The following PLEKHG4B variants were observed in gnomAD, a reference collection of about 807,000 sequenced individuals.
PLEKHG4B encodes the protein pleckstrin homology and RhoGEF domain containing G4B.
A neutral mutation model predicts 121.3 loss-of-function variants in PLEKHG4B; 111 were observed. That is an observed-to-expected ratio of 0.92 (90% CI 0.78 to 1.07). The LOEUF (loss-of-function observed/expected upper bound fraction) is 1.07. PLEKHG4B is among the 50% of genes least tolerant of loss of function. PLEKHG4B has a pLI of 0.00. For synonymous variants in PLEKHG4B, 738 were observed against 725.0 expected (o/e 1.02, Z -0.29); for missense variants, 1,831 against 1,757.8 (o/e 1.04, Z -0.74).
intron 1 of PLEKHG4B, among the ~76,000 whole-genome samples, chr5:99,194 A>C (rs1579230097): frequency 7.4e-6 from 1 of 135,948 alleles, no homozygotes; most frequent in Admixed American, 7.2e-5. Flanking sequence ...ATATATATAT[A>C]TATATATATA....
Position 169,558 on chromosome 5 carries a change from G to A in PLEKHG4B, c.3695G>A (p.Cys1232Tyr). Residue 1232 changes from cysteine to tyrosine, a missense_variant, in exon 14 of 20, where the codon TGC (cysteine) becomes TAC (tyrosine). Cys to Tyr is a radical substitution (Grantham distance 194). Transcript: ENST00000637938. ...FLRELERCQH[C>Y]PLAVGRSFLR... ...CGGGAGCTGGAGCGCTGCCAGCACT[G>A]CCCCTTGGCCGTGGGCCGCAGTTTC... 6.2e-7 allele frequency: 1 copy of A among 1,613,742 alleles called. No individual in the cohort carries two copies. The highest frequency in any genetic ancestry group is 8.5e-7 in the Non-Finnish European group (1 of 1,180,046).
intron 1 of PLEKHG4B, among the ~76,000 whole-genome samples, chr5:107,630 TC>T (rs942096704): frequency 1.3e-5 from 2 of 152,224 alleles, no homozygotes; most frequent in African/African-American, 4.8e-5. Flanking sequence ...CACCTGCCCA[TC>T]CCCGCCCTGG....
In PLEKHG4B at chr5:182,169, C is replaced by T. The variant is rs145542504; in HGVS notation, c.4730C>T (p.Pro1577Leu). 162 of 1,613,962 alleles carry T rather than the reference C, an allele frequency of 1.0e-4. No homozygotes were observed. In the African/African-American group the frequency reaches 1.4e-3, roughly 14 times the overall value. The change falls in exon 20 of 20, where the codon CCG becomes CTG. Residue 1577 changes from proline to leucine, a missense_variant. By Grantham distance (98) the Pro-to-Leu change is moderately conservative. Transcript: ENST00000637938. ...CTTGTGTCCTCCAGCCCAGCCCACC[C>T]GGGCCTATGGAGCCCTGCCCACAGC... ...GLLVSSSPAH[P>L]GLWSPAHSPW...
intron 2 of PLEKHG4B, among the ~76,000 whole-genome samples, chr5:120,841 TCAGA>T (rs1245240355): frequency 1.3e-5 from 2 of 152,360 alleles, no homozygotes; most frequent in East Asian, 1.9e-4. Context: ...GTTGGAATTA[TCAGA>T]CAGAGACTTC....
chr5:146,460 C>T (rs1302321815), intron 6 of PLEKHG4B, among the ~76,000 whole-genome samples: 1 of 148,058 alleles, frequency 6.8e-6, no homozygotes, highest in African/African-American at 2.5e-5. Flanking sequence ...CATCTCTCCT[C>T]TTCACCCCTG....
At chr5:142,779 GT>G (rs375873164) in intron 3 of PLEKHG4B, among the ~76,000 whole-genome samples, 1 of 152,262 alleles carries the variant, frequency 6.6e-6, no homozygotes, top group African/African-American at 2.4e-5. Flanking sequence ...GAGATGACCT[GT>G]TCCTCCTGAG....
chr5:145,649 G>T (rs1735383313), intron 6 of PLEKHG4B, among the ~76,000 whole-genome samples: 1 of 152,236 alleles, frequency 6.6e-6, no homozygotes, highest in South Asian at 2.1e-4. Context: ...ATGAGCCACT[G>T]TGTGTGGCCT....
rs918528811 is a variant in PLEKHG4B, at chr5:159,299, C to A, written c.2487+2388C>A. ...AGGGCAGGTGTGCCTGAGGGTCGCC[C>A]AGGTGCACCGAGGGCAGGTGTGCTC... On this transcript the variant is annotated intron_variant, in intron 11 of 19. Transcript: ENST00000637938. The surrounding 1 kb of genome is among the most constrained non-coding windows in gnomAD (Gnocchi z 5.5). Among the ~76,000 whole-genome samples the A allele has an allele frequency of 6.6e-6, 1 of 151,372 alleles. No homozygotes were observed. Among genetic ancestry groups the A allele is most frequent in the African/African-American group, 2.4e-5 (1 of 40,842 alleles).
intron 2 of PLEKHG4B, among the ~76,000 whole-genome samples, chr5:114,545 C>A (rs1325502761): frequency 6.6e-6 from 1 of 152,110 alleles, no homozygotes; most frequent in Non-Finnish European, 1.5e-5. Context: ...GCGACCTCCG[C>A]CACCCAGGTT....
chr5:172,258 G>T (rs1288391472), intron 16 of PLEKHG4B, among the ~76,000 whole-genome samples: 1 of 152,210 alleles, frequency 6.6e-6, no homozygotes, highest in Non-Finnish European at 1.5e-5. Context: ...AGCCCTAGGG[G>T]CGTCCATGGG....
intron 13 of PLEKHG4B, among the ~76,000 whole-genome samples, chr5:165,305 C>T (rs1420316739): frequency 4.6e-5 from 1 of 21,940 alleles, no homozygotes; most frequent in East Asian, 6.0e-4. Flanking sequence ...AACGCTCTGA[C>T]GGGGCGGGGC....
chr5:171,359 A>G lies in PLEKHG4B; in HGVS notation c.3965A>G (p.Glu1322Gly). Reference sequence around the variant, plus strand: ...CTGGCCCAGGGGCAGGAGCTGGGCGAGCTCCGAGCCGCCGAGGTCGTGGTC... The same window carrying G: ...CTGGCCCAGGGGCAGGAGCTGGGCGGGCTCCGAGCCGCCGAGGTCGTGGTC... ...CGLAQGQELG[E>G]LRAAEVVVCF... The change falls in exon 16 of 20, where the codon GAG becomes GGG. Residue 1322 changes from glutamate to glycine, a missense_variant. Transcript: ENST00000637938. The G allele has an allele frequency of 6.2e-7, 1 of 1,612,052 alleles. No homozygotes were observed. Among genetic ancestry groups the G allele is most frequent in the Non-Finnish European group, 8.5e-7 (1 of 1,179,794 alleles).
intron 1 of PLEKHG4B, among the ~76,000 whole-genome samples, chr5:97,521 A>G (rs1228657292): frequency 6.6e-6 from 1 of 152,222 alleles, no homozygotes; most frequent in African/African-American, 2.4e-5. Flanking sequence ...TCTATTCCGG[A>G]CATTTCATAT....
In PLEKHG4B at chr5:163,488, G is replaced by C; in HGVS notation, c.3416G>C (p.Ser1139Thr). 6.2e-7 allele frequency: 1 copy of C among 1,612,606 alleles called. No individual in the cohort carries two copies. ...ARSPPVTQSR[S>T]LSSPSGLHPA... ...AGCCCCCCGGTCACTCAGAGCCGGA[G>C]TCTGTCCTCCCCCTCGGGGCTCCAC... The change falls in exon 13 of 20, where the codon AGT becomes ACT. Residue 1139 changes from serine to threonine, a missense_variant. Ser to Thr is a moderately conservative substitution (Grantham distance 58, BLOSUM62 1). Transcript: ENST00000637938.
In PLEKHG4B at chr5:139,693, G is replaced by C. The variant is rs1356366267; in HGVS notation, c.454G>C (p.Glu152Gln). Reference protein sequence around the residue: ...GRGTEEVTVPEAMYGCVFTGA... With the variant: ...GRGTEEVTVPQAMYGCVFTGA... Reference sequence around the variant, plus strand: ...AGGCACAGAGGAAGTCACCGTCCCTGAGGCCATGTATGGCTGTGTCTTCAC... The same window carrying C: ...AGGCACAGAGGAAGTCACCGTCCCTCAGGCCATGTATGGCTGTGTCTTCAC... Residue 152 changes from glutamate to glutamine, a missense_variant, in exon 3 of 20, where the codon GAG (glutamate) becomes CAG (glutamine). Glu to Gln is a conservative substitution (Grantham distance 29, BLOSUM62 2). Transcript: ENST00000637938. This position sits in a 1 kb window ranked among gnomAD's most constrained non-coding sequence, Gnocchi z 5.0. 2.5e-6 allele frequency: 1 copy of C among 398,792 alleles called. No individual in the cohort carries two copies. Among genetic ancestry groups the C allele is most frequent in the Non-Finnish European group, 4.4e-6 (1 of 226,148 alleles). 24.7% of individuals were successfully genotyped at this position (398,792 alleles called of 1,614,324 possible).
At position 182,284 on chromosome 5, in the gene PLEKHG4B, G is replaced by A. The variant is rs950156019; in HGVS notation, c.4845G>A (p.Gly1615=). The A allele has an allele frequency of 1.2e-5, 20 of 1,612,002 alleles. No homozygotes were observed. The highest frequency in any genetic ancestry group is 4.5e-5 in the East Asian group (2 of 44,866). ...ETGTQAAVCE[G]APAVLLSRTR... is the part of the protein sequence containing the mutation. ...GCACCCAGGCTGCAGTGTGTGAGGG[G>A]GCTCCTGCTGTGCTGCTGAGCCGCA... The change falls in exon 20 of 20, where the codon GGG becomes GGA. Residue 1615 remains glycine, a synonymous_variant. Transcript: ENST00000637938.
Position 143,383 on chromosome 5 carries a change from C to G in PLEKHG4B, c.1691C>G (p.Thr564Ser). 6.2e-7 allele frequency: 1 copy of G among 1,612,342 alleles called. No individual in the cohort carries two copies. Among genetic ancestry groups the G allele is most frequent in the Non-Finnish European group, 8.5e-7 (1 of 1,179,738 alleles). Residue 564 changes from threonine (T) to serine (S), a missense_variant, in exon 5 of 20, where the codon ACC becomes AGC. By Grantham distance (58) the Thr-to-Ser change is moderately conservative. Transcript: ENST00000637938. ...LQSGVVTLPG[T>S]RDRHGRAVVQ... ...TGCCCTGTCTCTGTCTCCGCAGGGA[C>G]CCGAGACCGTCATGGCAGAGCAGTG... is the stretch of plus-strand genomic sequence containing the variant.
chr5:124,236 G>A (rs894205876), intron 2 of PLEKHG4B, among the ~76,000 whole-genome samples: 19 of 152,132 alleles, frequency 1.2e-4, no homozygotes, highest in Admixed American at 3.9e-4. Flanking sequence ...TAAGTTTACC[G>A]AGACTTAATT....
intron 1 of PLEKHG4B, among the ~76,000 whole-genome samples, chr5:93,013 T>C (rs1733518505): frequency 6.6e-6 from 1 of 152,208 alleles, no homozygotes; most frequent in South Asian, 2.1e-4. Flanking sequence ...TGCCTTTCCC[T>C]GTTTCGTGTG....
Sources: gnomAD v4.1 joint callset for allele counts (sites outside exome capture counted in the v4.1 genomes callset) on GRCh38, gnomAD v4.1.1 for gene constraint, Gnocchi (gnomAD v3.1) non-coding constraint, MANE v1.5 for transcripts, NCBI Gene and HGNC (gene_info 2026-07-23, HGNC 2026-07-21) for gene names.